CCDC51: variants seen among roughly 807,000 people sequenced by gnomAD.
CCDC51 encodes mitochondrial potassium channel.
Under a neutral mutation model 24.8 loss-of-function variants are expected in CCDC51, and 25 were observed. The ratio of observed to expected loss-of-function variants is 1.01; its 90% CI spans 0.73 to 1.41. The LOEUF is 1.41. Ranked by LOEUF, CCDC51 falls within the 40% of genes most tolerant of loss-of-function variation. CCDC51 has a pLI of 0.00. For missense variants in CCDC51, 466 were observed against 519.1 expected (o/e 0.90, Z 0.99); for synonymous variants, 190 against 204.3 (o/e 0.93, Z 0.60).
chr3:48,441,851 C>A (rs2039577169), upstream of CCDC51, among the ~76,000 whole-genome samples: 1 of 152,184 alleles, frequency 6.6e-6, no homozygotes, highest in African/African-American at 2.4e-5. Flanking sequence ...TCATCTAGGG[C>A]TTCCCAAGAC....
rs2039193899 is a variant in CCDC51 at position 48,432,411 on chromosome 3, G to C, written c.1233C>G (p.Ser411Arg). 9.3e-6 allele frequency: 15 copies of C among 1,613,898 alleles called. No individual in the cohort carries two copies. Among genetic ancestry groups the C allele is most frequent in the Non-Finnish European group, 1.3e-5 (15 of 1,179,774 alleles). ...LPVLYMLFKAS is the reference protein window; with the variant it reads ...LPVLYMLFKAR ...CCTCTGGAGGAGGGGCCAGGGGTTA[G>C]CTGGCTTTGAATAGCATGTAGAGCA... Residue 411 changes from serine to arginine, a missense_variant, in exon 4 of 4, where the codon AGC (serine) becomes AGG (arginine). Ser to Arg is a moderately radical substitution (Grantham distance 110, BLOSUM62 -1). Coordinates refer to ENST00000395694, the MANE Select transcript of CCDC51 (RefSeq NM_001256964.2).
chr3:48,439,872 C>A (rs546827933), intron 1 of CCDC51, 116 bp downstream of exon 1: 11 of 255,186 alleles, frequency 4.3e-5, no homozygotes, highest in South Asian at 2.1e-4. Flanking sequence ...ATATAACTCC[C>A]GTCCACTTCT....
At position 48,432,829 on chromosome 3, in the gene CCDC51, A is replaced by C. The variant is rs1263746653; in HGVS notation, c.815T>G (p.Leu272Arg). 6.2e-7 allele frequency: 1 copy of C among 1,613,712 alleles called. No individual in the cohort carries two copies. Among genetic ancestry groups the C allele is most frequent in the South Asian group, 1.1e-5 (1 of 91,042 alleles). Residue 272 changes from leucine (L) to arginine (R), a missense_variant, in exon 4 of 4, where the codon CTG (leucine) becomes CGG (arginine). Coordinates refer to ENST00000395694, the MANE Select transcript of CCDC51 (RefSeq NM_001256964.2). ...CTGCCCTGGCCCAGCAGCATGTACC[A>C]GGCCCCTCAGGTCCACCATGAGATT... ...LHNLMVDLRGLVHAAGPGQDS... is the reference protein window; with the variant it reads ...LHNLMVDLRGRVHAAGPGQDS...
At position 48,435,951 on chromosome 3, in the gene CCDC51, TC is replaced by T. The variant is rs2039340095; in HGVS notation, c.-8-816del. Among the ~76,000 whole-genome samples, 1 of 152,186 alleles carries T rather than the reference TC, an allele frequency of 6.6e-6. No homozygotes were observed. The highest frequency in any genetic ancestry group is 1.5e-5 in the Non-Finnish European group (1 of 68,030). ...TGCTCAACAGGTTAGGTTTCTCTCA[TC>T]TTTCCCTTTTCCATCTTGCTTTGAT... On this transcript the variant is annotated intron_variant, in intron 1 of 3. Transcript: ENST00000395694. This position sits in a 1 kb window ranked among gnomAD's most constrained non-coding sequence, Gnocchi z 4.2.
In CCDC51 at chr3:48,432,582, G is replaced by A. The variant is rs756459996; in HGVS notation, c.1062C>T (p.Asp354=). 35 of 1,614,104 alleles carry A rather than the reference G, an allele frequency of 2.2e-5. No individual in the cohort carries two copies. The highest frequency in any genetic ancestry group is 2.7e-5 in the Non-Finnish European group (32 of 1,180,042). The stretch of plus-strand genomic sequence containing the variant: ...CCAGCAAGAAGCTGGGCATAGCCCC[G>A]TCTGCTGGTTCCACCAGGCCTGGGT... ...AAHPGLVEPA[D]GAMPSFLLEQ... is the part of the protein sequence containing the mutation. Residue 354 remains aspartate (D), a synonymous_variant, in exon 4 of 4, where the codon GAC becomes GAT. Coordinates refer to ENST00000395694, the MANE Select transcript of CCDC51 (RefSeq NM_001256964.2).
Position 48,433,494 on chromosome 3 carries a change from G to A in CCDC51, c.477+213C>T, listed in dbSNP as rs575820469. Reference sequence around the variant, plus strand: ...CTCAGCATTCTGAGTCCCAGGCTACGCTGCCCTGAAGAGTTGGCCCCAGTA... The same window carrying A: ...CTCAGCATTCTGAGTCCCAGGCTACACTGCCCTGAAGAGTTGGCCCCAGTA... On this transcript the variant is annotated intron_variant, in intron 3 of 3. Transcript: ENST00000395694. The surrounding 1 kb of genome is among the most constrained non-coding windows in gnomAD (Gnocchi z 4.4). Among the ~76,000 whole-genome samples the A allele has an allele frequency of 2.7e-4, 41 of 152,266 alleles. No homozygotes were observed. Among genetic ancestry groups the A allele is most frequent in the African/African-American group, 9.6e-4 (40 of 41,550 alleles).
intron 1 of CCDC51, among the ~76,000 whole-genome samples, chr3:48,436,010 G>A (rs1445192055): frequency 6.6e-6 from 1 of 152,198 alleles, no homozygotes; most frequent in Non-Finnish European, 1.5e-5. Flanking sequence ...CTGGACAGCA[G>A]GGAGTCTCCT....
chr3:48,441,953 G>A (rs1386987293), upstream of CCDC51, among the ~76,000 whole-genome samples: 1 of 152,192 alleles, frequency 6.6e-6, no homozygotes, highest in Non-Finnish European at 1.5e-5. Flanking sequence ...GGTGTAAGGG[G>A]CCAGGCACAG....
At chr3:48,445,242 TTAA>T (rs2039647722), upstream of CCDC51, 1 of 152,212 alleles carries the variant, frequency 6.6e-6, no homozygotes, top group African/African-American at 2.4e-5. Context: ...TACAATTATG[TTAA>T]TAATGCTCAG....
rs2039339772 is a variant in CCDC51, at chr3:48,435,942, T to G, written c.-8-806A>C. Among the ~76,000 whole-genome samples the G allele has an allele frequency of 6.6e-6, 1 of 152,074 alleles. No individual in the cohort carries two copies. Among genetic ancestry groups the G allele is most frequent in the African/African-American group, 2.4e-5 (1 of 41,412 alleles). Reference sequence around the variant, plus strand: ...ACCTGCCATTGCTCAACAGGTTAGGTTTCTCTCATCTTTCCCTTTTCCATC... The same window carrying G: ...ACCTGCCATTGCTCAACAGGTTAGGGTTCTCTCATCTTTCCCTTTTCCATC... On this transcript the variant is annotated intron_variant, in intron 1 of 3. Coordinates refer to ENST00000395694, the MANE Select transcript of CCDC51 (RefSeq NM_001256964.2). The surrounding 1 kb of genome is among the most constrained non-coding windows in gnomAD (Gnocchi z 4.2).
chr3:48,444,474 T>C (rs946885383), upstream of CCDC51, among the ~76,000 whole-genome samples: 1 of 152,226 alleles, frequency 6.6e-6, no homozygotes, highest in Non-Finnish European at 1.5e-5. Flanking sequence ...GGTTTCACCA[T>C]GTTGGCCAGG....
At chr3:48,440,383 C>T, upstream of CCDC51, 2 of 1,611,648 alleles carry the variant, frequency 1.2e-6, no homozygotes, top group Non-Finnish European at 1.7e-6. Context: ...GCAGGCCGAA[C>T]GTGCTCGTGT....
At chr3:48,440,303 G>T (rs745885023), upstream of CCDC51, 3 of 1,607,266 alleles carry the variant, frequency 1.9e-6, no homozygotes, top group East Asian at 2.2e-5. Flanking sequence ...CGCCATGTCC[G>T]GCCGCGAAGG....
At position 48,440,026 on chromosome 3, in the gene CCDC51, G is replaced by T. The variant is rs973102065; in HGVS notation, c.-47C>A. ...CCCGCGCACGGCCACAGGCCTGGTA[G>T]GCCGTCCGGTTAAGTACCCCTCCTA... On this transcript the variant is annotated 5_prime_UTR_variant, in exon 1 of 4. Transcript: ENST00000395694. 5 of 534,578 alleles carry T rather than the reference G, an allele frequency of 9.4e-6. No homozygotes were observed. Among genetic ancestry groups the T allele is most frequent in the Non-Finnish European group, 1.6e-5 (5 of 308,980 alleles). The allele number at this position is 534,578 out of a possible 1,614,324, so 33.1% of individuals were successfully genotyped here.
rs1466971310 is a variant in CCDC51 at position 48,437,789 on chromosome 3, C to T, written c.-9+2199G>A. On this transcript the variant is annotated intron_variant, in intron 1 of 3. Transcript: ENST00000395694. This position sits in a 1 kb window ranked among gnomAD's most constrained non-coding sequence, Gnocchi z 4.2. Reference sequence around the variant, plus strand: ...CTTCCACAAACTCCCACCATACCTTCCCAACCATCAGTAACTGCCCCATTT... The same window carrying T: ...CTTCCACAAACTCCCACCATACCTTTCCAACCATCAGTAACTGCCCCATTT... 1 of 152,122 alleles carries T rather than the reference C, an allele frequency of 6.6e-6. No individual in the cohort carries two copies. The highest frequency in any genetic ancestry group is 1.5e-5 in the Non-Finnish European group (1 of 68,024). The allele number at this position is 152,122 out of a possible 1,614,324, so 9.4% of individuals were successfully genotyped here.
chr3:48,442,004 C>G (rs1009010615), upstream of CCDC51, among the ~76,000 whole-genome samples: 2 of 144,246 alleles, frequency 1.4e-5, no homozygotes, highest in Admixed American at 1.4e-4. Context: ...GAGGCCTAAG[C>G]AGGAGGATTA....
intron 1 of CCDC51, 121 bp downstream of exon 1, chr3:48,439,867 A>C (rs528288654): frequency 4.1e-6 from 1 of 246,020 alleles, no homozygotes; most frequent in African/African-American, 2.2e-5. Flanking sequence ...ACGTGATATA[A>C]CTCCCGTCCA....
At chr3:48,436,994 C>G (rs1333765611) in intron 1 of CCDC51, among the ~76,000 whole-genome samples, 3 of 152,196 alleles carry the variant, frequency 2.0e-5, no homozygotes, top group Non-Finnish European at 4.4e-5. Flanking sequence ...GCCAAGAAAT[C>G]CTGAGACCTC....
chr3:48,446,429 A>C, the CCDC51 span: 1 of 160,138 alleles, frequency 6.2e-6, no homozygotes, highest in South Asian at 2.0e-4. Context: ...CACATCCCTG[A>C]ATGATGCCTG....
Sources: gnomAD v4.1 joint callset for allele counts (sites outside exome capture counted in the v4.1 genomes callset) on GRCh38, gnomAD v4.1.1 for gene constraint, Gnocchi (gnomAD v3.1) non-coding constraint, MANE v1.5 for transcripts, NCBI Gene and HGNC (gene_info 2026-07-23, HGNC 2026-07-21) for gene names.